SUGCT: variants seen among roughly 807,000 people sequenced by gnomAD.
The protein encoded by SUGCT is succinyl-CoA:glutarate CoA-transferase.
Under a neutral mutation model 55.0 loss-of-function variants are expected in SUGCT, and 41 were observed. The observed-to-expected ratio is 0.74, with a 90% CI of 0.58 to 0.97. The LOEUF is 0.97. Ranked by LOEUF, SUGCT falls within the 50% of genes least tolerant of loss-of-function variation. The probability of loss-of-function intolerance (pLI) is 0.00; values close to 1 mark genes in which losing one functional copy is unlikely to be tolerated. For missense variants in SUGCT, 568 were observed against 547.8 expected (o/e 1.04, Z -0.37); for synonymous variants, 187 against 200.4 (o/e 0.93, Z 0.56).
intron 12 of SUGCT, among the ~76,000 whole-genome samples, chr7:40,586,157 C>T (rs1420162572): frequency 1.3e-5 from 2 of 152,050 alleles, no homozygotes; most frequent in African/African-American, 4.8e-5. Flanking sequence ...CAGTCGATGT[C>T]TGCTAATTAT....
chr7:40,702,704 T>C (rs185455671), intron 12 of SUGCT, among the ~76,000 whole-genome samples: 82 of 152,102 alleles, frequency 5.4e-4, no homozygotes, highest in Non-Finnish European at 1.8e-4. Flanking sequence ...GTTTTGGGGG[T>C]TGAGAGAACT....
intron 12 of SUGCT, among the ~76,000 whole-genome samples, chr7:40,738,056 G>A (rs1478175019): frequency 6.6e-6 from 1 of 151,702 alleles, no homozygotes. Flanking sequence ...AAAAAGCTGG[G>A]TGTGGTGGTG....
At chr7:40,282,962 C>CT (rs898321627) in intron 8 of SUGCT, among the ~76,000 whole-genome samples, 34 of 147,662 alleles carry the variant, frequency 2.3e-4, no homozygotes, top group Admixed American at 7.5e-4. Context: ...AGCTTCTTGA[C>CT]TTTTTTTTTT....
the SUGCT span, among the ~76,000 whole-genome samples, chr7:40,867,859 T>C: frequency 3.9e-5 from 6 of 152,200 alleles, no homozygotes; most frequent in African/African-American, 1.2e-4. Context: ...TGAGCTATCA[T>C]TACCTGGTTA....
the SUGCT span, among the ~76,000 whole-genome samples, chr7:40,894,956 T>C: frequency 6.6e-6 from 1 of 152,172 alleles, no homozygotes; most frequent in Admixed American, 6.5e-5. Context: ...AATCCCATTA[T>C]TGAGTATATA....
Position 40,690,372 on chromosome 7 carries a change from C to G in SUGCT, c.1090-59062C>G, listed in dbSNP as rs150641058. ...CCTTCTAGCTACCTTTAGATGTACT[C>G]TATAAATCAAATATTATCTTTCGTA... On this transcript the variant is annotated intron_variant, in intron 12 of 13. Transcript: ENST00000335693. Among the ~76,000 whole-genome samples, 1,311 of 152,234 alleles carry G rather than the reference C, an allele frequency of 8.6e-3. 15 individuals are homozygous for G. Among genetic ancestry groups the G allele is most frequent in the African/African-American group, 0.029 (1,221 of 41,540 alleles).
At chr7:41,010,086 C>T in the SUGCT span, among the ~76,000 whole-genome samples, 1 of 152,176 alleles carries the variant, frequency 6.6e-6, no homozygotes, top group Non-Finnish European at 1.5e-5. Context: ...AAGCTTGCTC[C>T]CTGCCCTCTA....
intron 12 of SUGCT, among the ~76,000 whole-genome samples, chr7:40,613,142 T>A (rs111437807): frequency 0.011 from 1,685 of 151,672 alleles, 25 homozygotes; most frequent in Middle Eastern, 0.017. Flanking sequence ...AAAAAAAAAA[T>A]CCTTGGAGCC....
At chr7:40,214,450 C>T (rs1312686311) in intron 6 of SUGCT, among the ~76,000 whole-genome samples, 1 of 152,102 alleles carries the variant, frequency 6.6e-6, no homozygotes, top group Non-Finnish European at 1.5e-5. Context: ...AGTGAGAGAA[C>T]TGAGGCACAA....
At chr7:40,322,973 T>TAAATAAAAAAAAATAAAATA (rs1795829066) in intron 9 of SUGCT, among the ~76,000 whole-genome samples, 1 of 146,582 alleles carries the variant, frequency 6.8e-6, no homozygotes, top group African/African-American at 2.5e-5. Flanking sequence ...TCAAATAAAA[T>TAAATAAAAAAAAATAAAATA]AAATAAAATA....
At chr7:40,878,951 G>A in the SUGCT span, among the ~76,000 whole-genome samples, 1 of 151,762 alleles carries the variant, frequency 6.6e-6, no homozygotes, top group African/African-American at 2.4e-5. Flanking sequence ...CCGCCACCAC[G>A]CCCGGCTAAT....
At chr7:40,144,244 TA>T (rs1252205520) in intron 1 of SUGCT, among the ~76,000 whole-genome samples, 2 of 152,192 alleles carry the variant, frequency 1.3e-5, no homozygotes, top group African/African-American at 4.8e-5. Flanking sequence ...CCACAGGGTA[TA>T]ACAAGGCAAG....
chr7:40,265,232 T>C (rs1791486761), intron 7 of SUGCT, among the ~76,000 whole-genome samples: 1 of 152,216 alleles, frequency 6.6e-6, no homozygotes, highest in Non-Finnish European at 1.5e-5. Context: ...TGATTTTTTA[T>C]TTTAGAAATG....
intron 13 of SUGCT, among the ~76,000 whole-genome samples, chr7:40,842,449 A>G (rs1793325685): frequency 6.6e-6 from 1 of 152,208 alleles, no homozygotes; most frequent in South Asian, 2.1e-4. Context: ...TAAAAGCTTA[A>G]CATCTAAACA....
chr7:41,014,333 CT>C, the SUGCT span, among the ~76,000 whole-genome samples: 2 of 152,096 alleles, frequency 1.3e-5, no homozygotes, highest in Non-Finnish European at 2.9e-5. Flanking sequence ...TCAGTGACTA[CT>C]TCATAAAAGT....
intron 12 of SUGCT, among the ~76,000 whole-genome samples, chr7:40,512,115 C>A (rs1792964656): frequency 6.6e-6 from 1 of 152,186 alleles, no homozygotes; most frequent in African/African-American, 2.4e-5. Flanking sequence ...CCTGGAAGTA[C>A]TTCTCTACAG....
intron 8 of SUGCT, among the ~76,000 whole-genome samples, chr7:40,313,505 C>T (rs952986495): frequency 6.6e-6 from 1 of 152,132 alleles, no homozygotes; most frequent in Non-Finnish European, 1.5e-5. Context: ...GGTAATACCC[C>T]CTTTAAACAT....
At chr7:40,928,807 G>A in the SUGCT span, among the ~76,000 whole-genome samples, 1 of 151,850 alleles carries the variant, frequency 6.6e-6, no homozygotes, top group Non-Finnish European at 1.5e-5. Flanking sequence ...CACCATGTTG[G>A]CCAGGATGGT....
chr7:41,032,239 A>G, the SUGCT span, among the ~76,000 whole-genome samples: 1 of 152,142 alleles, frequency 6.6e-6, no homozygotes, highest in African/African-American at 2.4e-5. Context: ...TTACCTACCT[A>G]GTACCCATGT....
Sources: allele counts gnomAD v4.1 joint callset (sites outside exome capture counted in the v4.1 genomes callset), GRCh38; gene constraint gnomAD v4.1.1; transcripts MANE v1.5; gene names NCBI Gene and HGNC (gene_info 2026-07-23, HGNC 2026-07-21).